Variants in TGFBRAP1 observed in about 807,000 individuals in gnomAD.
The protein encoded by TGFBRAP1 is transforming growth factor-beta receptor-associated protein 1.
Under a neutral mutation model 83.2 loss-of-function variants are expected in TGFBRAP1, and 20 were observed. The observed-to-expected ratio is 0.24, with a 90% CI of 0.17 to 0.35. TGFBRAP1 has a LOEUF of 0.35. Among genes scored for constraint, TGFBRAP1 ranks in the 10% least tolerant of loss-of-function variants. The probability of loss-of-function intolerance (pLI) is 1.00; values close to 1 mark genes in which losing one functional copy is unlikely to be tolerated. For synonymous variants in TGFBRAP1, 415 were observed against 459.8 expected, an observed-to-expected ratio of 0.90 and a Z score of 1.25; for missense variants, 950 against 1,099.4, an observed-to-expected ratio of 0.86 and a Z score of 1.92.
chr2:105,274,207 C>A (rs555859721), intron 8 of TGFBRAP1, among the ~76,000 whole-genome samples: 1 of 152,278 alleles, frequency 6.6e-6, no homozygotes, highest in South Asian at 2.1e-4. Context: ...AGCTTCCAGT[C>A]CCTGAGTAAG....
chr2:105,256,097 C>T, the TGFBRAP1 span, among the ~76,000 whole-genome samples: 1 of 152,130 alleles, frequency 6.6e-6, no homozygotes. Context: ...CATTCTGCAC[C>T]CCCTCCCTTT....
intron 1 of TGFBRAP1, among the ~76,000 whole-genome samples, chr2:105,323,463 T>C (rs1260282063): frequency 6.6e-6 from 1 of 152,190 alleles, no homozygotes; most frequent in Non-Finnish European, 1.5e-5. Flanking sequence ...CTGACCATCA[T>C]ATCGTGGGTA....
At chr2:105,254,885 G>T in the TGFBRAP1 span, among the ~76,000 whole-genome samples, 18 of 152,132 alleles carry the variant, frequency 1.2e-4, no homozygotes. Context: ...ATGTGAGGAC[G>T]CAGCATGAAA....
chr2:105,326,978 T>A (rs1251667700), intron 1 of TGFBRAP1, among the ~76,000 whole-genome samples: 5 of 152,194 alleles, frequency 3.3e-5, no homozygotes, highest in Non-Finnish European at 7.3e-5. Flanking sequence ...GTATTTATTT[T>A]TTTAAATAAA....
chr2:105,254,045 T>C, the TGFBRAP1 span, among the ~76,000 whole-genome samples: 3 of 152,244 alleles, frequency 2.0e-5, no homozygotes, highest in East Asian at 1.9e-4. Context: ...GCTTCCTATT[T>C]TGGATATTCA....
intron 1 of TGFBRAP1, among the ~76,000 whole-genome samples, chr2:105,328,387 T>A (rs1197537790): frequency 6.6e-6 from 1 of 152,192 alleles, no homozygotes; most frequent in Non-Finnish European, 1.5e-5. Context: ...GCAATGACTG[T>A]TGAGGCTGCT....
At chr2:105,261,162 G>A (rs889890508), downstream of TGFBRAP1, among the ~76,000 whole-genome samples, 1 of 152,202 alleles carries the variant, frequency 6.6e-6, no homozygotes, top group African/African-American at 2.4e-5. Context: ...GCAGAGGCGG[G>A]AGTGAGGGAG....
rs369840873 is a variant in TGFBRAP1 at position 105,307,958 on chromosome 2, C to T, written c.344G>A (p.Arg115His). 4.7e-5 allele frequency: 76 copies of T among 1,614,112 alleles called. No homozygotes were observed. The highest frequency in any genetic ancestry group is 6.0e-5 in the Non-Finnish European group (71 of 1,180,058). The change falls in exon 2 of 12, where the codon CGC becomes CAC. Residue 115 changes from arginine to histidine, a missense_variant. Arg to His is a conservative substitution (Grantham distance 29). Coordinates refer to ENST00000393359, the MANE Select transcript of TGFBRAP1 (RefSeq NM_004257.6). ...TGCAAACGTGGCTGCCCCCTTGATG[C>T]GGGCCCCCGAAGGCACTGGCTCGAG... ...LNLEPVPSGARIKGAATFALN... is the reference protein window; with the variant it reads ...LNLEPVPSGAHIKGAATFALN...
chr2:105,250,131 T>C, the TGFBRAP1 span, among the ~76,000 whole-genome samples: 1 of 152,148 alleles, frequency 6.6e-6, no homozygotes, highest in African/African-American at 2.4e-5. Flanking sequence ...AGGGAACCAG[T>C]AGGAGCTGCA....
At position 105,308,369 on chromosome 2, in the gene TGFBRAP1, A is replaced by G. The variant is rs1413139924; in HGVS notation, c.-17-51T>C. 13 of 1,471,244 alleles carry G rather than the reference A, an allele frequency of 8.8e-6. No individual in the cohort carries two copies. The African/African-American group carries it at 1.8e-4, about 21-fold the overall frequency. The allele number at this position is 1,471,244 out of a possible 1,614,324, so 91.1% of individuals were successfully genotyped here. On this transcript the variant is annotated intron_variant, in intron 1 of 11. Coordinates refer to ENST00000393359, the MANE Select transcript of TGFBRAP1 (RefSeq NM_004257.6). ...TTTAGAGGAACAAGGAAGAAGCAGA[A>G]ACAGAGGCTGCAATAATGATACGTG... is the stretch of plus-strand genomic sequence containing the variant.
intron 1 of TGFBRAP1, among the ~76,000 whole-genome samples, chr2:105,328,603 C>T (rs1410902969): frequency 6.6e-6 from 1 of 152,192 alleles, no homozygotes; most frequent in Non-Finnish European, 1.5e-5. Flanking sequence ...ACACACACAA[C>T]GCAGTAGGAT....
chr2:105,261,731 G>A (rs149155399), downstream of TGFBRAP1, among the ~76,000 whole-genome samples: 3,099 of 152,146 alleles, frequency 0.02, 82 homozygotes, highest in African/African-American at 0.064. Flanking sequence ...CAGCCTGGGC[G>A]ACAGAGCAAG....
At chr2:105,273,739 T>C in intron 8 of TGFBRAP1, 49 bp from the exon 9 acceptor site, 3 of 1,588,618 alleles carry the variant, frequency 1.9e-6, no homozygotes, top group Non-Finnish European at 2.6e-6. Context: ...AACCCACCTT[T>C]CCTTTAACTT....
chr2:105,261,000 A>C (rs1464300153), downstream of TGFBRAP1, among the ~76,000 whole-genome samples: 7 of 152,206 alleles, frequency 4.6e-5, no homozygotes, highest in African/African-American at 1.7e-4. Flanking sequence ...AACAACTGAG[A>C]AATGCTCTCC....
chr2:105,284,236 G>T, intron 5 of TGFBRAP1, 80 bp downstream of exon 5: 1 of 1,354,222 alleles, frequency 7.4e-7, no homozygotes, highest in Non-Finnish European at 1.1e-6. Flanking sequence ...ACATCCCACC[G>T]CGACGTCACA....
At chr2:105,316,708 G>A (rs558602993) in intron 1 of TGFBRAP1, among the ~76,000 whole-genome samples, 1 of 151,986 alleles carries the variant, frequency 6.6e-6, no homozygotes, top group East Asian at 1.9e-4. Context: ...CAGCTTCTCA[G>A]AAGGCTGATG....
chr2:105,252,288 TG>T, the TGFBRAP1 span, among the ~76,000 whole-genome samples: 1 of 152,218 alleles, frequency 6.6e-6, no homozygotes, highest in Non-Finnish European at 1.5e-5. Context: ...AAAGACTGAA[TG>T]ATTTTAAAAA....
Position 105,329,667 on chromosome 2 carries a change from G to A in TGFBRAP1, c.-60C>T, listed in dbSNP as rs1679319734. 1.4e-5 allele frequency: 2 copies of A among 146,888 alleles called. No homozygotes were observed. The allele number at this position is 146,888 out of a possible 1,614,324, so 9.1% of individuals were successfully genotyped here. A position where few individuals can be genotyped will look rare whatever the true frequency, so the allele number is the denominator to read the frequency against. On this transcript the variant is annotated 5_prime_UTR_variant, in exon 1 of 12. Coordinates refer to ENST00000393359, the MANE Select transcript of TGFBRAP1 (RefSeq NM_004257.6). The stretch of plus-strand genomic sequence containing the variant: ...GTCCCGCGCCGCCCCGCGGCCTGGG[G>A]CCCCGCCGCCCCGCTCCGGCCCGCG...
At chr2:105,282,420 G>C (rs1415641308) in intron 5 of TGFBRAP1, among the ~76,000 whole-genome samples, 1 of 152,218 alleles carries the variant, frequency 6.6e-6, no homozygotes, top group Non-Finnish European at 1.5e-5. Flanking sequence ...AGGAGTCAGA[G>C]GACGGGTCCA....
Sources: gnomAD v4.1 joint callset for allele counts (sites outside exome capture counted in the v4.1 genomes callset) on GRCh38, gnomAD v4.1.1 for gene constraint, MANE v1.5 for transcripts, NCBI Gene and HGNC (gene_info 2026-07-23, HGNC 2026-07-21) for gene names.